PRKD1: variants seen among roughly 807,000 people sequenced by gnomAD.
PRKD1 encodes the protein protein kinase D1.
A neutral mutation model predicts 95.9 loss-of-function variants in PRKD1; 63 were observed. The observed-to-expected ratio is 0.66, with a 90% CI of 0.54 to 0.81. The LOEUF is 0.81. Among genes scored for constraint, PRKD1 ranks in the 30% least tolerant of loss-of-function variants. The pLI, the probability that PRKD1 is intolerant of heterozygous loss-of-function variation, is 0.00. For missense variants in PRKD1, 1,048 were observed against 1,165.3 expected, an observed-to-expected ratio of 0.90 and a Z score of 1.47; for synonymous variants, 425 against 423.1, an observed-to-expected ratio of 1.00 and a Z score of -0.05.
chr14:29,736,791 T>G (rs986323885), intron 1 of PRKD1, among the ~76,000 whole-genome samples: 2 of 152,166 alleles, frequency 1.3e-5, no homozygotes, highest in Non-Finnish European at 2.9e-5. Flanking sequence ...CAGAGCACAA[T>G]TTACTGTTAC....
At chr14:29,705,628 C>T (rs954450549) in intron 2 of PRKD1, among the ~76,000 whole-genome samples, 5 of 151,996 alleles carry the variant, frequency 3.3e-5, no homozygotes, top group Admixed American at 6.6e-5. Flanking sequence ...TTAGTAGTCA[C>T]GACACATTCT....
Position 29,638,507 on chromosome 14 carries a change from C to A in PRKD1, c.967G>T (p.Glu323Ter). 6.2e-7 allele frequency: 1 copy of A among 1,614,170 alleles called. No homozygotes were observed. The highest frequency in any genetic ancestry group is 8.5e-7 in the Non-Finnish European group (1 of 1,179,998). ...TACCTACCTCCATTAATGGTCACTT[C>A]GCCAAGGCAGTTGTTTGGTACTTTC... The part of the protein sequence containing the change: ...APKVPNNCLG[E>*]VTINGDLLSP... The change falls in exon 6 of 18, where the codon GAA (glutamate) becomes TAA (stop). Residue 323 changes from glutamate (E) to a stop codon, truncating the protein, a stop_gained. Coordinates refer to ENST00000331968, the MANE Select transcript of PRKD1 (RefSeq NM_002742.3). LOFTEE classifies it high-confidence loss of function.
intron 2 of PRKD1, 107 bp downstream of exon 2, chr14:29,725,429 C>T (rs1886091256): frequency 5.2e-6 from 7 of 1,339,308 alleles, no homozygotes; most frequent in South Asian, 1.4e-5. Flanking sequence ...TCTCTTGGAG[C>T]TGAGTTTGAG....
chr14:29,870,489 G>A (rs950549738), intron 1 of PRKD1, among the ~76,000 whole-genome samples: 1 of 152,144 alleles, frequency 6.6e-6, no homozygotes, highest in African/African-American at 2.4e-5. Context: ...GCTCAAAATA[G>A]ATTGAAACAC....
intron 1 of PRKD1, among the ~76,000 whole-genome samples, chr14:29,826,774 TATATATAC>T (rs1380618944): frequency 0.017 from 641 of 37,356 alleles, 132 homozygotes; most frequent in Middle Eastern, 0.038. Context: ...TATATACACA[TATATATAC>T]ATATATACAC....
At chr14:29,814,565 T>C (rs189102896) in intron 1 of PRKD1, among the ~76,000 whole-genome samples, 418 of 152,264 alleles carry the variant, frequency 2.7e-3, no homozygotes, top group Admixed American at 8.3e-3. Flanking sequence ...GCTAACCTCT[T>C]ATGCCTGCAT....
intron 1 of PRKD1, among the ~76,000 whole-genome samples, chr14:29,728,377 CA>C (rs1247800266): frequency 2.6e-5 from 4 of 152,078 alleles, no homozygotes; most frequent in African/African-American, 9.7e-5. Flanking sequence ...ACCAAAATCA[CA>C]ATCAAGCCAT....
intron 1 of PRKD1, among the ~76,000 whole-genome samples, chr14:29,878,369 C>T (rs1171306861): frequency 7.4e-6 from 1 of 135,852 alleles, no homozygotes; most frequent in East Asian, 2.2e-4. Flanking sequence ...AAAACCTACA[C>T]ACGGAATTAC....
chr14:29,848,286 C>T (rs1892162967), intron 1 of PRKD1, among the ~76,000 whole-genome samples: 1 of 151,960 alleles, frequency 6.6e-6, no homozygotes, highest in South Asian at 2.1e-4. Flanking sequence ...CATTATTGCA[C>T]CTCTCCCCAC....
chr14:29,884,333 A>C (rs932856138), intron 1 of PRKD1, among the ~76,000 whole-genome samples: 8 of 152,206 alleles, frequency 5.3e-5, no homozygotes, highest in Non-Finnish European at 1.2e-4. Flanking sequence ...AGTTAGTTGC[A>C]CTTTACCAAA....
At chr14:29,740,479 A>G (rs184291343) in intron 1 of PRKD1, among the ~76,000 whole-genome samples, 1 of 152,324 alleles carries the variant, frequency 6.6e-6, no homozygotes, top group East Asian at 1.9e-4. Context: ...TAGTGCCAGA[A>G]TAATAGCTAA....
intron 1 of PRKD1, among the ~76,000 whole-genome samples, chr14:29,854,645 A>C (rs1472576145): frequency 6.6e-6 from 1 of 152,206 alleles, no homozygotes; most frequent in Non-Finnish European, 1.5e-5. Context: ...AATTTGCATA[A>C]GTAATAAGTA....
At chr14:29,762,286 G>C (rs1888030782) in intron 1 of PRKD1, among the ~76,000 whole-genome samples, 1 of 152,114 alleles carries the variant, frequency 6.6e-6, no homozygotes, top group Non-Finnish European at 1.5e-5. Flanking sequence ...CATAAATACT[G>C]TCATACTACC....
At chr14:29,674,929 T>C (rs1883068914) in intron 2 of PRKD1, among the ~76,000 whole-genome samples, 1 of 152,242 alleles carries the variant, frequency 6.6e-6, no homozygotes, top group African/African-American at 2.4e-5. Context: ...ACTGTACTTT[T>C]CATAGAAACA....
chr14:29,882,727 T>A (rs748752600), intron 1 of PRKD1, among the ~76,000 whole-genome samples: 1 of 152,224 alleles, frequency 6.6e-6, no homozygotes, highest in Non-Finnish European at 1.5e-5. Context: ...AGACACCTCA[T>A]ACAAGTTAAA....
At chr14:29,660,388 A>G (rs1201371284) in intron 4 of PRKD1, among the ~76,000 whole-genome samples, 10 of 152,130 alleles carry the variant, frequency 6.6e-5, no homozygotes, top group Non-Finnish European at 1.3e-4. Context: ...GGGGTGCTCA[A>G]CCTCAGCACT....
intron 2 of PRKD1, among the ~76,000 whole-genome samples, chr14:29,686,647 T>C (rs919233486): frequency 6.6e-6 from 1 of 152,216 alleles, no homozygotes; most frequent in Non-Finnish European, 1.5e-5. Flanking sequence ...GTATTCCATG[T>C]GACTCTACTA....
intron 1 of PRKD1, among the ~76,000 whole-genome samples, chr14:29,835,813 C>A (rs1265168472): frequency 6.6e-6 from 1 of 152,162 alleles, no homozygotes; most frequent in Non-Finnish European, 1.5e-5. Flanking sequence ...TCATGATCCT[C>A]CCGCCTCAGC....
At chr14:29,698,158 T>A (rs1884632744) in intron 2 of PRKD1, among the ~76,000 whole-genome samples, 1 of 152,176 alleles carries the variant, frequency 6.6e-6, no homozygotes, top group Non-Finnish European at 1.5e-5. Context: ...TGAAATTAAG[T>A]TTTGGAAAAA....
Sources: gnomAD v4.1 joint callset for allele counts (sites outside exome capture counted in the v4.1 genomes callset) on GRCh38, gnomAD v4.1.1 for gene constraint, MANE v1.5 for transcripts, NCBI Gene and HGNC (gene_info 2026-07-23, HGNC 2026-07-21) for gene names.